The following CHCT1 variants were observed in gnomAD, a reference collection of about 807,000 sequenced individuals.
CHCT1 encodes the protein CHD1 helical C-terminal domain containing protein 1.
the CHCT1 span, chr17:60,425,932 C>T: frequency 6.8e-7 from 1 of 1,476,256 alleles, no homozygotes; most frequent in South Asian, 1.2e-5. Flanking sequence ...CCCCATTGGT[C>T]AGGAGGCCTG....
At chr17:60,421,654 C>G in the CHCT1 span, 1 of 932,246 alleles carries the variant, frequency 1.1e-6, no homozygotes, top group Non-Finnish European at 1.3e-6. Flanking sequence ...CGCGAGGGGG[C>G]GCTGCTGCCG....
chr17:60,426,198 G>C, the CHCT1 span: 2 of 1,551,740 alleles, frequency 1.3e-6, no homozygotes, highest in East Asian at 4.9e-5. Flanking sequence ...AAGTTCCTGC[G>C]AAAGTTGCAC....
chr17:60,421,494 T>TG, the CHCT1 span: 4 of 984,756 alleles, frequency 4.1e-6, no homozygotes, highest in Non-Finnish European at 4.8e-6. Context: ...CCACACTGAG[T>TG]GGGGACAACT....
the CHCT1 span, chr17:60,426,110 C>T: frequency 2.6e-6 from 4 of 1,527,938 alleles, no homozygotes; most frequent in Non-Finnish European, 3.5e-6. Context: ...GACTGCCCAT[C>T]TGCCTCTTCT....
the CHCT1 span, among the ~76,000 whole-genome samples, chr17:60,430,751 G>A: frequency 1.1e-4 from 16 of 152,366 alleles, no homozygotes; most frequent in Admixed American, 4.6e-4. Flanking sequence ...GAAGTGCTGG[G>A]ATTACAGGCG....
At chr17:60,421,411 C>T in the CHCT1 span, 1 of 985,656 alleles carries the variant, frequency 1.0e-6, no homozygotes. Context: ...CCGAGGTGGC[C>T]GCTGGGTGGC....
chr17:60,430,543 C>T, the CHCT1 span, among the ~76,000 whole-genome samples: 2 of 152,186 alleles, frequency 1.3e-5, no homozygotes, highest in African/African-American at 4.8e-5. Flanking sequence ...TGCAGTTGTG[C>T]GATCTCAGCT....
At chr17:60,421,620 A>C in the CHCT1 span, 1 of 978,088 alleles carries the variant, frequency 1.0e-6, no homozygotes, top group Admixed American at 6.2e-5. Flanking sequence ...CGTCGCCGGG[A>C]CCCCGCCGTG....
the CHCT1 span, among the ~76,000 whole-genome samples, chr17:60,424,204 C>CT: frequency 1.3e-5 from 2 of 152,358 alleles, no homozygotes; most frequent in African/African-American, 4.8e-5. Context: ...CCATCAGACC[C>CT]TGCCTCCAAC....
the CHCT1 span, chr17:60,426,162 G>A: frequency 2.6e-6 from 4 of 1,551,496 alleles, no homozygotes; most frequent in Non-Finnish European, 3.5e-6. Flanking sequence ...CCTCCTCAGT[G>A]TAAAGAATAC....
At chr17:60,426,506 T>C in the CHCT1 span, 3 of 1,050,836 alleles carry the variant, frequency 2.9e-6, no homozygotes, top group South Asian at 5.0e-5. Context: ...TGACTGCACC[T>C]TGTCTCTGAC....
At chr17:60,429,804 G>A in the CHCT1 span, among the ~76,000 whole-genome samples, 1 of 151,726 alleles carries the variant, frequency 6.6e-6, no homozygotes, top group Non-Finnish European at 1.5e-5. Context: ...AAAGGTTTTT[G>A]TTTTTATTAT....
At chr17:60,421,293 C>G in the CHCT1 span, 2 of 868,958 alleles carry the variant, frequency 2.3e-6, no homozygotes, top group Non-Finnish European at 2.8e-6. Flanking sequence ...GCTGAACATG[C>G]TGGCATAGAG....
chr17:60,425,453 T>C, the CHCT1 span, among the ~76,000 whole-genome samples: 1 of 152,214 alleles, frequency 6.6e-6, no homozygotes, highest in African/African-American at 2.4e-5. Flanking sequence ...CCAGCAGGCA[T>C]ATAAACCTGT....
chr17:60,421,715 G>T, the CHCT1 span: 16 of 801,694 alleles, frequency 2.0e-5, no homozygotes, highest in Non-Finnish European at 2.3e-5. Flanking sequence ...GGCCCTGCCC[G>T]GCCAACTCAG....
chr17:60,431,247 C>T, the CHCT1 span: 22 of 1,603,994 alleles, frequency 1.4e-5, no homozygotes, highest in South Asian at 2.5e-4. Flanking sequence ...GCCCCAGAAA[C>T]TCCAGAGACT....
chr17:60,424,180 G>A, the CHCT1 span, among the ~76,000 whole-genome samples: 1 of 152,176 alleles, frequency 6.6e-6, no homozygotes, highest in African/African-American at 2.4e-5. Context: ...CCACCCCCAT[G>A]ACCCAAACAC....
chr17:60,426,387 C>T, the CHCT1 span: 1 of 1,485,430 alleles, frequency 6.7e-7, no homozygotes, highest in Non-Finnish European at 9.0e-7. Context: ...GGGCAACCCC[C>T]TCTTCATTCA....
the CHCT1 span, among the ~76,000 whole-genome samples, chr17:60,423,196 CT>C: frequency 2.8e-3 from 410 of 144,282 alleles, 1 homozygote; most frequent in Middle Eastern, 3.6e-3. Context: ...TTTCTTTGTT[CT>C]TTTTTTTTTT....
Sources: gnomAD v4.1 joint callset for allele counts (sites outside exome capture counted in the v4.1 genomes callset) on GRCh38, gnomAD v4.1.1 for gene constraint, MANE v1.5 for transcripts, NCBI Gene and HGNC (gene_info 2026-07-23, HGNC 2026-07-21) for gene names.